ZNF81: variants seen among roughly 807,000 people sequenced by gnomAD.
The protein encoded by ZNF81 is zinc finger protein 81, also known as zinc finger protein 81 (HFZ20).
In ZNF81, 5 loss-of-function variants were observed where a neutral mutation model predicts 32.3. The ratio of observed to expected loss-of-function variants is 0.15; its 90% CI spans 0.08 to 0.33. ZNF81 has a LOEUF of 0.33. ZNF81 is among the 10% of genes least tolerant of loss of function. ZNF81 has a pLI of 1.00. For synonymous variants in ZNF81, 163 were observed against 166.8 expected, an observed-to-expected ratio of 0.98 and a Z score of 0.17; for missense variants, 379 against 479.8, an observed-to-expected ratio of 0.79 and a Z score of 1.96.
In ZNF81 at chrX:47,915,603, A is replaced by G. The variant is rs2058753919; in HGVS notation, c.957A>G (p.Ile319Met). ...NVFTQKPLLS[I>M]YLRVHRDEKL... ...TTACACAGAAGCCACTACTCAGTAT[A>G]TATCTGAGAGTTCATAGAGATGAAA... Residue 319 changes from isoleucine to methionine, a missense_variant, in exon 5 of 5, where the codon ATA becomes ATG. By Grantham distance (10) the Ile-to-Met change is conservative (BLOSUM62 1). Coordinates refer to ENST00000338637, the MANE Select transcript of ZNF81 (RefSeq NM_007137.5). The G allele has an allele frequency of 8.3e-7, 1 of 1,208,725 alleles. No homozygotes were observed. The highest frequency in any genetic ancestry group is 1.7e-5 in the African/African-American group (1 of 57,276).
rs2058780580 is a variant in ZNF81 at position 47,922,630 on chromosome X, G to C, written c.*5998G>C. Among the ~76,000 whole-genome samples, 1 of 111,580 alleles carries C rather than the reference G, an allele frequency of 9.0e-6. No individual in the cohort carries two copies. On this transcript the variant is annotated 3_prime_UTR_variant, in exon 5 of 5. Coordinates refer to ENST00000338637, the MANE Select transcript of ZNF81 (RefSeq NM_007137.5). The stretch of plus-strand genomic sequence containing the variant: ...ACCTTGGGAAAGTTAGTTAACCTCT[G>C]TCCTGATGGTTTTCATCTATAAAAG...
At chrX:47,893,866 G>T (rs965765856) in intron 3 of ZNF81, among the ~76,000 whole-genome samples, 2 of 110,189 alleles carry the variant, frequency 1.8e-5, no homozygotes, top group African/African-American at 6.6e-5. Context: ...AGGCTCAGGA[G>T]TTGGACTCAT....
Position 47,922,009 on chromosome X carries a change from A to G in ZNF81, c.*5377A>G, listed in dbSNP as rs2058778577. ...AATAATACACTGGCCCAGATTAGGA[A>G]GGTTCTGCCATCCATCCCAGCCATC... On this transcript the variant is annotated 3_prime_UTR_variant, in exon 5 of 5. Transcript: ENST00000338637. 1 of 112,130 alleles carries G rather than the reference A, an allele frequency of 8.9e-6. No homozygotes were observed. Among genetic ancestry groups the G allele is most frequent in the Non-Finnish European group, 1.9e-5 (1 of 53,215 alleles). The allele number at this position is 112,130 out of a possible 1,213,427, so 9.2% of individuals were successfully genotyped here. A position where few individuals can be genotyped will look rare whatever the true frequency, so the allele number is the denominator to read the frequency against.
At chrX:47,856,119 C>T (rs1188893448) in intron 2 of ZNF81, among the ~76,000 whole-genome samples, 3 of 107,508 alleles carry the variant, frequency 2.8e-5, no homozygotes, top group Non-Finnish European at 5.7e-5. Context: ...TTGCATTTCC[C>T]GTTAATGTGT....
intron 2 of ZNF81, among the ~76,000 whole-genome samples, chrX:47,882,098 A>G (rs1478538674): frequency 9.0e-6 from 1 of 111,541 alleles, no homozygotes; most frequent in Non-Finnish European, 1.9e-5. Context: ...AAATTGAGTC[A>G]TATTTGAAAT....
chrX:47,880,518 G>A (rs1405685794), intron 2 of ZNF81, among the ~76,000 whole-genome samples: 1 of 112,342 alleles, frequency 8.9e-6, no homozygotes, highest in African/African-American at 3.2e-5. Flanking sequence ...CTGGCCTCGT[G>A]ATCATTGCTT....
chrX:47,888,245 T>TA (rs2058650090), intron 3 of ZNF81, 120 bp downstream of exon 3: 1 of 985,179 alleles, frequency 1.0e-6, no homozygotes. Context: ...TATTTGGAAA[T>TA]AGAGTCTTTA....
At chrX:47,866,457 G>A (rs782571831) in intron 2 of ZNF81, among the ~76,000 whole-genome samples, 2 of 111,700 alleles carry the variant, frequency 1.8e-5, no homozygotes, top group Non-Finnish European at 1.9e-5. Flanking sequence ...GTATGTAGCC[G>A]GGCGGATTCA....
At chrX:47,867,783 AT>A (rs1207515860) in intron 2 of ZNF81, among the ~76,000 whole-genome samples, 1 of 111,858 alleles carries the variant, frequency 8.9e-6, no homozygotes, top group Admixed American at 9.5e-5. Context: ...TTGTTTAAGT[AT>A]TATTTTGTAG....
chrX:47,915,960 A>C lies in ZNF81; in HGVS notation c.1314A>C (p.Gly438=), dbSNP rs782345937. 1.8e-5 allele frequency: 22 copies of C among 1,209,229 alleles called. No homozygotes were observed. Among genetic ancestry groups the C allele is most frequent in the Non-Finnish European group, 2.5e-5 (22 of 895,010 alleles). Residue 438 remains glycine (G), a synonymous_variant, in exon 5 of 5, where the codon GGA becomes GGC. Coordinates refer to ENST00000338637, the MANE Select transcript of ZNF81 (RefSeq NM_007137.5). ...TLRMHQRIHT[G]ERSYICTQCG... is the part of the protein sequence containing the mutation. ...GGATGCATCAGAGAATTCATACAGG[A>C]GAGAGGTCCTATATCTGTACTCAAT...
rs1334885090 is a variant in ZNF81, at chrX:47,920,760, G to A, written c.*4128G>A. 6 of 110,456 alleles carry A rather than the reference G, an allele frequency of 5.4e-5. No homozygotes were observed. Among genetic ancestry groups the A allele is most frequent in the Non-Finnish European group, 1.1e-4 (6 of 52,828 alleles). 9.1% of individuals were successfully genotyped at this position (110,456 alleles called of 1,213,427 possible). ...CCCGTGTTTCTTGAGAGCACTCAGT[G>A]GATGACTATGGAGAAGAGCCTGCAA... On this transcript the variant is annotated 3_prime_UTR_variant, in exon 5 of 5. Coordinates refer to ENST00000338637, the MANE Select transcript of ZNF81 (RefSeq NM_007137.5).
intron 3 of ZNF81, among the ~76,000 whole-genome samples, chrX:47,892,537 A>G (rs185489133): frequency 1.4e-3 from 160 of 111,777 alleles, no homozygotes; most frequent in Non-Finnish European, 1.9e-3. Flanking sequence ...TGGCATTTCA[A>G]CTTCATTTAG....
chrX:47,864,961 C>T (rs1556883052), intron 2 of ZNF81, among the ~76,000 whole-genome samples: 1 of 112,103 alleles, frequency 8.9e-6, no homozygotes, highest in Admixed American at 9.4e-5. Context: ...TTGCATTCTG[C>T]CTGCTGAGCA....
In ZNF81 at chrX:47,915,373, G is replaced by C; in HGVS notation, c.727G>C (p.Val243Leu). The change falls in exon 5 of 5, where the codon GTG becomes CTG. Residue 243 changes from valine to leucine, a missense_variant. Physicochemically the swap from Val to Leu is conservative, Grantham distance 32. This residue lies in a region of ZNF81 where 277 missense variants were observed against 306.6 expected (regional missense o/e 0.90). Transcript: ENST00000338637. ...YSHHENTHTG[V>L]KFCERNQCGK... ...TCACCACGAAAATACACATACAGGA[G>C]TGAAGTTCTGTGAACGTAATCAATG... 1 of 1,211,386 alleles carries C rather than the reference G, an allele frequency of 8.3e-7. No homozygotes were observed. The highest frequency in any genetic ancestry group is 1.1e-6 in the Non-Finnish European group (1 of 895,383).
At chrX:47,883,960 G>T (rs73632365) in intron 2 of ZNF81, among the ~76,000 whole-genome samples, 6,387 of 81,186 alleles carry the variant, frequency 0.079, 207 homozygotes, top group African/African-American at 0.13. Context: ...GGTTATAAGA[G>T]ATTGTGGCTG....
intron 4 of ZNF81, among the ~76,000 whole-genome samples, chrX:47,901,357 T>A: frequency 8.9e-6 from 1 of 111,893 alleles, no homozygotes; most frequent in Non-Finnish European, 1.9e-5. Context: ...TCCTTTTTGG[T>A]CTATATGCTG....
rs1268598611 is a variant in ZNF81, at chrX:47,861,288, C to T, written c.54+14967C>T. ...CTGTTAGAGTCTGCAAAGAATTGCT[C>T]GGTGTGGAAAACCCCACACATTTGG... On this transcript the variant is annotated intron_variant, in intron 2 of 4. Transcript: ENST00000338637. Among the ~76,000 whole-genome samples the T allele has an allele frequency of 5.4e-5, 6 of 111,702 alleles. No individual in the cohort carries two copies. The East Asian group carries it at 8.5e-4, about 16-fold the overall frequency.
At position 47,850,350 on chromosome X, in the gene ZNF81, A is replaced by C. The variant is rs1250672584; in HGVS notation, c.54+4029A>C. Among the ~76,000 whole-genome samples, 3 of 33,236 alleles carry C rather than the reference A, an allele frequency of 9.0e-5. No homozygotes were observed. In the East Asian group the frequency reaches 7.2e-3, roughly 80 times the overall value. The allele number at this position is 33,236 out of a possible 115,157, so 28.9% of individuals were successfully genotyped here. ...CAACATAATGAGACCCATCTCTTAA[A>C]AAAAAAAAAAAAAAAGAAAGAAAAA... On this transcript the variant is annotated intron_variant, in intron 2 of 4. Transcript: ENST00000338637.
At chrX:47,885,716 C>T (rs2058638970) in intron 2 of ZNF81, among the ~76,000 whole-genome samples, 1 of 111,405 alleles carries the variant, frequency 9.0e-6, no homozygotes, top group African/African-American at 3.3e-5. Context: ...TAGTTCCCTC[C>T]AGCCCTTTTA....
Sources: allele counts gnomAD v4.1 joint callset (sites outside exome capture counted in the v4.1 genomes callset), GRCh38; gene constraint gnomAD v4.1.1; regional missense constraint gnomAD v4.1.1; transcripts MANE v1.5; gene names NCBI Gene and HGNC (gene_info 2026-07-23, HGNC 2026-07-21).